Variants in DPP6 observed in about 807,000 individuals in gnomAD.
DPP6 encodes the protein dipeptidyl peptidase like 6, also known as A-type potassium channel modulatory protein DPP6.
A neutral mutation model predicts 122.6 loss-of-function variants in DPP6; 69 were observed. The observed-to-expected ratio is 0.56, with a 90% CI of 0.46 to 0.69. The LOEUF is 0.69. Ranked by LOEUF, DPP6 falls within the 30% of genes least tolerant of loss-of-function variation. The pLI is 0.00. For synonymous variants in DPP6, 418 were observed against 433.1 expected, an observed-to-expected ratio of 0.97 and a Z score of 0.43; for missense variants, 928 against 1,116.9, an observed-to-expected ratio of 0.83 and a Z score of 2.41.
chr7:154,389,765 A>G (rs1339631799), intron 1 of DPP6, among the ~76,000 whole-genome samples: 1 of 152,234 alleles, frequency 6.6e-6, no homozygotes, highest in Admixed American at 6.5e-5. Context: ...ACAAAAGCCC[A>G]TTTAATTAAA....
At chr7:154,270,809 C>A (rs779650640) in intron 1 of DPP6, among the ~76,000 whole-genome samples, 1 of 152,148 alleles carries the variant, frequency 6.6e-6, no homozygotes, top group Non-Finnish European at 1.5e-5. Context: ...AAATTCTGCC[C>A]TGGTTCTGGG....
At chr7:154,713,440 C>T (rs1039314550) in intron 7 of DPP6, among the ~76,000 whole-genome samples, 17 of 152,254 alleles carry the variant, frequency 1.1e-4, no homozygotes, top group African/African-American at 3.9e-4. Flanking sequence ...TCCAGGAGGG[C>T]CCCACCTCTG....
At chr7:154,675,178 G>A (rs1288168756) in intron 7 of DPP6, among the ~76,000 whole-genome samples, 1 of 151,984 alleles carries the variant, frequency 6.6e-6, no homozygotes, top group Non-Finnish European at 1.5e-5. Context: ...TGGACACAGG[G>A]CAGGGAACGT....
At chr7:154,770,016 T>A (rs1304032229) in intron 9 of DPP6, among the ~76,000 whole-genome samples, 1 of 152,118 alleles carries the variant, frequency 6.6e-6, no homozygotes, top group Non-Finnish European at 1.5e-5. Flanking sequence ...CCTTGCCAAA[T>A]TCATACATTA....
At chr7:153,949,150 G>T (rs565655397) in intron 1 of DPP6, among the ~76,000 whole-genome samples, 1 of 152,356 alleles carries the variant, frequency 6.6e-6, no homozygotes, top group Non-Finnish European at 1.5e-5. Flanking sequence ...GAGCCGCACT[G>T]CAGTGGAGTG....
chr7:154,767,711 C>T (rs1473078386), intron 8 of DPP6, among the ~76,000 whole-genome samples: 2 of 152,098 alleles, frequency 1.3e-5, no homozygotes, highest in East Asian at 1.9e-4. Context: ...CACAGCAGGA[C>T]TGGGGCTCAA....
At chr7:154,409,730 A>G (rs1326848948) in intron 1 of DPP6, among the ~76,000 whole-genome samples, 1 of 152,120 alleles carries the variant, frequency 6.6e-6, no homozygotes, top group East Asian at 1.9e-4. Flanking sequence ...TTCTCCAAAG[A>G]GTGAGGTTCC....
chr7:154,079,820 G>A (rs1028460931), intron 1 of DPP6, among the ~76,000 whole-genome samples: 26 of 151,882 alleles, frequency 1.7e-4, no homozygotes, highest in African/African-American at 4.1e-4. Flanking sequence ...TTCTTGCCCC[G>A]CTCTGCTCTA....
At chr7:153,935,647 G>A (rs1024618335) in intron 1 of DPP6, among the ~76,000 whole-genome samples, 3 of 152,286 alleles carry the variant, frequency 2.0e-5, no homozygotes, top group African/African-American at 7.2e-5. Context: ...GGAGGTGTGC[G>A]ACCTTGGTCC....
chr7:154,666,291 T>C (rs1336892513), intron 6 of DPP6, among the ~76,000 whole-genome samples: 1 of 149,542 alleles, frequency 6.7e-6, no homozygotes, highest in Non-Finnish European at 1.5e-5. Flanking sequence ...TCCATATCTG[T>C]TTATAGAGTT....
intron 16 of DPP6, among the ~76,000 whole-genome samples, chr7:154,847,223 C>G (rs1802013332): frequency 6.6e-6 from 1 of 152,094 alleles, no homozygotes. Flanking sequence ...CTTGTAGTGG[C>G]CAGACTAGAT....
At chr7:154,243,164 TA>T in intron 1 of DPP6, among the ~76,000 whole-genome samples, 1 of 152,280 alleles carries the variant, frequency 6.6e-6, no homozygotes, top group African/African-American at 2.4e-5. Flanking sequence ...ACTTCTAATT[TA>T]AAAAGAGATT....
intron 1 of DPP6, among the ~76,000 whole-genome samples, chr7:154,042,527 T>C (rs978977418): frequency 6.6e-6 from 1 of 152,224 alleles, no homozygotes; most frequent in Non-Finnish European, 1.5e-5. Flanking sequence ...CGTAGGATTA[T>C]TTCTAAGTGG....
intron 2 of DPP6, among the ~76,000 whole-genome samples, chr7:154,467,334 T>C (rs527984467): frequency 6.6e-6 from 1 of 152,298 alleles, no homozygotes; most frequent in Admixed American, 6.5e-5. Flanking sequence ...CCTAACGTGT[T>C]GAATGAGAGG....
chr7:154,051,062 G>A (rs1420907278), upstream of DPP6, among the ~76,000 whole-genome samples: 5 of 126,348 alleles, frequency 4.0e-5, 1 homozygote, highest in Non-Finnish European at 7.1e-5. Context: ...TGGGCTTGGG[G>A]CAATGCCAGG....
chr7:154,527,463 C>T (rs1827495337), intron 3 of DPP6, among the ~76,000 whole-genome samples: 1 of 152,072 alleles, frequency 6.6e-6, no homozygotes, highest in Non-Finnish European at 1.5e-5. Flanking sequence ...TTGATGTTGA[C>T]TGTCTTAAGA....
At chr7:154,157,656 G>T (rs566165610) in intron 1 of DPP6, among the ~76,000 whole-genome samples, 100 of 152,268 alleles carry the variant, frequency 6.6e-4, no homozygotes, top group Admixed American at 2.0e-3. Flanking sequence ...TATTTGGGCT[G>T]GGTACGGTGG....
chr7:153,850,177 G>A, the DPP6 span, among the ~76,000 whole-genome samples: 16 of 152,120 alleles, frequency 1.1e-4, no homozygotes, highest in Non-Finnish European at 1.8e-4. Flanking sequence ...TGGCTTTGCT[G>A]CTTCAGGGCC....
chr7:154,134,614 C>T lies in DPP6; in HGVS notation c.243+81551C>T, dbSNP rs529653648. Among the ~76,000 whole-genome samples the T allele has an allele frequency of 2.8e-3, 422 of 152,242 alleles. 1 individual carries two copies. The highest frequency in any genetic ancestry group is 3.6e-3 in the Non-Finnish European group (243 of 67,998). Reference sequence around the variant, plus strand: ...GGATCTAATTTTCTTCCTCAAGAAGCCTTGCACAATCTGGCCCTGCATGCT... The same window carrying T: ...GGATCTAATTTTCTTCCTCAAGAAGTCTTGCACAATCTGGCCCTGCATGCT... On this transcript the variant is annotated intron_variant, in intron 1 of 25. Coordinates refer to ENST00000377770, the MANE Select transcript of DPP6 (RefSeq NM_130797.4).
Sources: allele counts gnomAD v4.1 joint callset (sites outside exome capture counted in the v4.1 genomes callset), GRCh38; gene constraint gnomAD v4.1.1; transcripts MANE v1.5; gene names NCBI Gene and HGNC (gene_info 2026-07-23, HGNC 2026-07-21).